The following PTPRG variants were observed in gnomAD, a reference collection of about 807,000 sequenced individuals.
PTPRG encodes the protein protein tyrosine phosphatase receptor type G, also known as receptor-type tyrosine-protein phosphatase gamma.
In PTPRG, 102 loss-of-function variants were observed where a neutral mutation model predicts 165.3. The ratio of observed to expected loss-of-function variants is 0.62; its 90% confidence interval spans 0.53 to 0.73. PTPRG has a LOEUF of 0.73. Ranked by LOEUF, PTPRG falls within the 30% of genes least tolerant of loss-of-function variation. The probability of loss-of-function intolerance (pLI) is 0.00; values close to 1 mark genes in which losing one functional copy is unlikely to be tolerated. For missense variants in PTPRG, 1,866 were observed against 1,861.4 expected (o/e 1.00, Z -0.05); for synonymous variants, 675 against 669.5 (o/e 1.01, Z -0.13).
intron 2 of PTPRG, among the ~76,000 whole-genome samples, chr3:61,918,694 G>A (rs563407783): frequency 3.3e-5 from 5 of 152,288 alleles, no homozygotes; most frequent in African/African-American, 1.2e-4. Flanking sequence ...TTTTGAAAGG[G>A]CTGTATTTGA....
At chr3:61,574,093 T>A (rs1700124654) in intron 1 of PTPRG, among the ~76,000 whole-genome samples, 1 of 152,122 alleles carries the variant, frequency 6.6e-6, no homozygotes. Context: ...GTGGTCATTG[T>A]ATCAAAAGTG....
At chr3:61,953,107 T>G (rs1329066807) in intron 2 of PTPRG, among the ~76,000 whole-genome samples, 2 of 152,124 alleles carry the variant, frequency 1.3e-5, no homozygotes, top group African/African-American at 2.4e-5. Flanking sequence ...CCCACAATTT[T>G]CCCTACACCT....
chr3:62,137,556 A>G (rs1703757860), intron 6 of PTPRG, among the ~76,000 whole-genome samples: 1 of 152,118 alleles, frequency 6.6e-6, no homozygotes, highest in Non-Finnish European at 1.5e-5. Context: ...TGCAGGTTTC[A>G]GTGGATGTCA....
At chr3:61,871,527 A>C (rs1486680208) in intron 2 of PTPRG, among the ~76,000 whole-genome samples, 1 of 152,110 alleles carries the variant, frequency 6.6e-6, no homozygotes, top group East Asian at 1.9e-4. Context: ...AAAAGCATAA[A>C]ACTGCTGACT....
At chr3:61,719,098 C>T (rs1235811094) in intron 1 of PTPRG, among the ~76,000 whole-genome samples, 1 of 152,204 alleles carries the variant, frequency 6.6e-6, no homozygotes, top group Non-Finnish European at 1.5e-5. Context: ...CTTGTAAAAG[C>T]TTTCCCAAAC....
At chr3:61,845,711 CTG>C (rs1205631184) in intron 2 of PTPRG, among the ~76,000 whole-genome samples, 1 of 152,152 alleles carries the variant, frequency 6.6e-6, no homozygotes. Flanking sequence ...ACTTCGGAGA[CTG>C]TGAAATATTT....
intron 2 of PTPRG, among the ~76,000 whole-genome samples, chr3:61,817,093 C>G (rs1404561931): frequency 4.8e-5 from 6 of 123,914 alleles, no homozygotes; most frequent in African/African-American, 1.8e-4. Flanking sequence ...ATATATATTA[C>G]ATATTATTAC....
In PTPRG at chr3:62,195,270, A is replaced by G; in HGVS notation, c.1327+100A>G. 1 of 1,062,974 alleles carries G rather than the reference A, an allele frequency of 9.4e-7. No individual in the cohort carries two copies. The highest frequency in any genetic ancestry group is 2.4e-5 in the East Asian group (1 of 41,374). 65.8% of individuals were successfully genotyped at this position (1,062,974 alleles called of 1,614,324 possible). On this transcript the variant is annotated intron_variant, in intron 10 of 29. Coordinates refer to ENST00000474889, the MANE Select transcript of PTPRG (RefSeq NM_002841.4). The surrounding 1 kb of genome is among the most constrained non-coding windows in gnomAD (Gnocchi z 4.4). ...CAGGTGCTGGGGAAAAATACAAACA[A>G]GCCTGGCAGAAGAATCAGTGTAGGG...
intron 1 of PTPRG, among the ~76,000 whole-genome samples, chr3:61,674,161 C>A (rs1359962152): frequency 6.8e-6 from 1 of 147,436 alleles, no homozygotes; most frequent in African/African-American, 2.6e-5. Context: ...GCACATGTAT[C>A]CCAGAACAAG....
intron 2 of PTPRG, among the ~76,000 whole-genome samples, chr3:61,866,565 C>A (rs2037413484): frequency 8.2e-6 from 1 of 122,014 alleles, no homozygotes; most frequent in Non-Finnish European, 1.7e-5. Context: ...GCTTCCCTGG[C>A]TTTGGAACTG....
intron 28 of PTPRG, among the ~76,000 whole-genome samples, chr3:62,288,739 G>A (rs1039632622): frequency 6.6e-6 from 1 of 151,524 alleles, no homozygotes; most frequent in African/African-American, 2.4e-5. Flanking sequence ...TTCTTTAAAT[G>A]CTTATCTTTT....
chr3:62,169,738 T>A (rs1705145919), intron 8 of PTPRG, among the ~76,000 whole-genome samples: 1 of 152,142 alleles, frequency 6.6e-6, no homozygotes, highest in South Asian at 2.1e-4. Context: ...GCTTGGGTAA[T>A]AAAGGGAGAG....
chr3:62,121,296 G>A (rs1703062330), intron 5 of PTPRG, among the ~76,000 whole-genome samples: 1 of 151,962 alleles, frequency 6.6e-6, no homozygotes, highest in African/African-American at 2.4e-5. Context: ...TAGGAACTGT[G>A]CTAAATACTC....
At chr3:62,111,646 A>G (rs1180669759) in intron 5 of PTPRG, among the ~76,000 whole-genome samples, 1 of 152,062 alleles carries the variant, frequency 6.6e-6, no homozygotes, top group Non-Finnish European at 1.5e-5. Context: ...ACAGGGTCTC[A>G]CTGTGTTGTC....
At chr3:61,620,435 A>G (rs767868472) in intron 1 of PTPRG, among the ~76,000 whole-genome samples, 6 of 152,176 alleles carry the variant, frequency 3.9e-5, no homozygotes, top group Non-Finnish European at 8.8e-5. Flanking sequence ...ATGAACTCAT[A>G]ATGAGGTGGC....
At chr3:61,908,411 C>CAAAAA (rs776421819) in intron 2 of PTPRG, among the ~76,000 whole-genome samples, 16 of 57,652 alleles carry the variant, frequency 2.8e-4, no homozygotes, top group Non-Finnish European at 4.1e-4. Flanking sequence ...GGCAACAGAG[C>CAAAAA]AAAAAAAAAA....
At chr3:62,220,776 C>T (rs144379392) in intron 13 of PTPRG, among the ~76,000 whole-genome samples, 5 of 152,294 alleles carry the variant, frequency 3.3e-5, no homozygotes, top group Non-Finnish European at 7.4e-5. Context: ...GTGAGGTTAA[C>T]AAGGTCAGCA....
At position 61,637,677 on chromosome 3, in the gene PTPRG, C is replaced by T. The variant is rs970892133; in HGVS notation, c.85+75305C>T. Among the ~76,000 whole-genome samples, 3 of 152,110 alleles carry T rather than the reference C, an allele frequency of 2.0e-5. No homozygotes were observed. In the East Asian group the frequency reaches 5.8e-4, roughly 29 times the overall value. On this transcript the variant is annotated intron_variant, in intron 1 of 29. Coordinates refer to ENST00000474889, the MANE Select transcript of PTPRG (RefSeq NM_002841.4). ...ACTTCTTAGGAGTCCACCGGGGTTG[C>T]GTCGCATTGCTTCCACGCCTCTGTC... is the stretch of plus-strand genomic sequence containing the variant.
chr3:61,784,309 C>T (rs1157691657), intron 2 of PTPRG, among the ~76,000 whole-genome samples: 1 of 152,116 alleles, frequency 6.6e-6, no homozygotes, highest in African/African-American at 2.4e-5. Context: ...TTGGATTGAG[C>T]GAGAAGCAGC....
Sources: allele counts gnomAD v4.1 joint callset (sites outside exome capture counted in the v4.1 genomes callset), GRCh38; gene constraint gnomAD v4.1.1; non-coding constraint Gnocchi (gnomAD v3.1); transcripts MANE v1.5; gene names NCBI Gene and HGNC (gene_info 2026-07-23, HGNC 2026-07-21).